Variants in FBXL17 observed in about 807,000 individuals in gnomAD.
FBXL17 encodes F-box and leucine rich repeat protein 17, also known as F-box/LRR-repeat protein 17.
FBXL17 carries 22 observed loss-of-function variants against 66.2 expected under a neutral mutation model. The observed-to-expected ratio is 0.33, with a 90% CI of 0.24 to 0.47. The LOEUF is 0.47. Ranked by LOEUF, FBXL17 falls within the 20% of genes least tolerant of loss-of-function variation. The pLI is 1.00. For synonymous variants in FBXL17, 474 were observed against 400.5 expected (o/e 1.18, Z -2.19); for missense variants, 878 against 948.2 (o/e 0.93, Z 0.97).
intron 7 of FBXL17, among the ~76,000 whole-genome samples, chr5:107,898,645 G>A (rs920112702): frequency 4.6e-5 from 7 of 151,960 alleles, no homozygotes; most frequent in African/African-American, 7.3e-5. Flanking sequence ...AACAGGCCCC[G>A]GTGTGTGATG....
At chr5:108,041,187 T>C (rs541218074) in intron 6 of FBXL17, among the ~76,000 whole-genome samples, 1 of 152,290 alleles carries the variant, frequency 6.6e-6, no homozygotes, top group African/African-American at 2.4e-5. Flanking sequence ...AAAATACATA[T>C]TTGTAAAATG....
intron 6 of FBXL17, among the ~76,000 whole-genome samples, chr5:108,133,857 G>A (rs1047533448): frequency 2.0e-5 from 3 of 151,982 alleles, no homozygotes; most frequent in African/African-American, 7.3e-5. Context: ...AAATGAGTTG[G>A]CACACGTAAA....
At chr5:108,199,829 A>G (rs772506872) in intron 5 of FBXL17, among the ~76,000 whole-genome samples, 3 of 152,192 alleles carry the variant, frequency 2.0e-5, no homozygotes, top group Non-Finnish European at 1.5e-5. Flanking sequence ...TACTATAAAT[A>G]TGAAATTACA....
At chr5:108,141,644 G>A (rs1751354740) in intron 6 of FBXL17, among the ~76,000 whole-genome samples, 1 of 152,198 alleles carries the variant, frequency 6.6e-6, no homozygotes. Context: ...TTAATCTGAA[G>A]GCAATGCGGA....
In FBXL17 at chr5:108,318,328, C is replaced by T. The variant is rs570748631; in HGVS notation, c.1506+30071G>A. Reference sequence around the variant, plus strand: ...TCAGCAAAACAATCAGTAAGATACACAGATAAGTATTTACTGACCTCCTAT... The same window carrying T: ...TCAGCAAAACAATCAGTAAGATACATAGATAAGTATTTACTGACCTCCTAT... On this transcript the variant is annotated intron_variant, in intron 4 of 8. Coordinates refer to ENST00000542267, the MANE Select transcript of FBXL17 (RefSeq NM_001163315.3). Among the ~76,000 whole-genome samples, 35 of 151,818 alleles carry T rather than the reference C, an allele frequency of 2.3e-4. No individual in the cohort carries two copies. In the South Asian group the frequency reaches 7.3e-3, roughly 32 times the overall value.
chr5:108,074,597 G>C (rs907333690), intron 6 of FBXL17, among the ~76,000 whole-genome samples: 2 of 151,972 alleles, frequency 1.3e-5, no homozygotes, highest in East Asian at 3.9e-4. Flanking sequence ...TACAGAGGAC[G>C]TCTAATGACT....
chr5:108,294,089 A>T (rs554562232), intron 4 of FBXL17, among the ~76,000 whole-genome samples: 2 of 149,494 alleles, frequency 1.3e-5, no homozygotes, highest in South Asian at 4.2e-4. Context: ...TATTTCAATC[A>T]TTAAGATAAA....
At chr5:108,275,403 T>A (rs1757443878) in intron 4 of FBXL17, among the ~76,000 whole-genome samples, 2 of 152,196 alleles carry the variant, frequency 1.3e-5, no homozygotes, top group South Asian at 4.1e-4. Context: ...AATTGTCACC[T>A]TCTAAGTGGC....
chr5:108,234,233 A>G (rs1755495433), intron 4 of FBXL17, among the ~76,000 whole-genome samples: 1 of 152,190 alleles, frequency 6.6e-6, no homozygotes. Context: ...GCTCACACTC[A>G]GCCGAGGTTT....
intron 4 of FBXL17, among the ~76,000 whole-genome samples, chr5:108,267,566 A>C (rs1398373570): frequency 6.6e-6 from 1 of 152,088 alleles, no homozygotes; most frequent in African/African-American, 2.4e-5. Context: ...CTATAAAAAC[A>C]AAGCAAATTA....
intron 7 of FBXL17, among the ~76,000 whole-genome samples, chr5:107,957,296 A>G (rs1489133029): frequency 6.6e-6 from 1 of 152,156 alleles, no homozygotes; most frequent in African/African-American, 2.4e-5. Context: ...ACTGTTCACT[A>G]TACTCAGCCA....
In FBXL17 at chr5:108,053,796, A is replaced by G. The variant is rs533251128; in HGVS notation, c.1746-32795T>C. 1.4e-3 allele frequency among the ~76,000 whole-genome samples: 214 copies of G among 152,314 alleles called. 1 individual carries two copies. The highest frequency in any genetic ancestry group is 5.0e-3 in the African/African-American group (209 of 41,560). On this transcript the variant is annotated intron_variant, in intron 6 of 8. Coordinates refer to ENST00000542267, the MANE Select transcript of FBXL17 (RefSeq NM_001163315.3). ...AAAGGAATATACATCATTCTACTATAAAGGTACATGCACATGTATGTTTAC... is the reference window on the plus strand; with the variant it reads ...AAAGGAATATACATCATTCTACTATGAAGGTACATGCACATGTATGTTTAC...
Position 108,010,550 on chromosome 5 carries a change from A to T in FBXL17, c.1822+10375T>A, listed in dbSNP as rs528259740. Among the ~76,000 whole-genome samples, 1,193 of 152,334 alleles carry T rather than the reference A, an allele frequency of 7.8e-3. 12 individuals carry two copies. Among genetic ancestry groups the T allele is most frequent in the African/African-American group, 0.026 (1,085 of 41,578 alleles). Reference sequence around the variant, plus strand: ...TTTAAGCTGGAGGAATAAAAGACAGAAAAACACAGTGATGTAAGATTCGGG... The same window carrying T: ...TTTAAGCTGGAGGAATAAAAGACAGTAAAACACAGTGATGTAAGATTCGGG... On this transcript the variant is annotated intron_variant, in intron 7 of 8. Transcript: ENST00000542267.
chr5:108,367,135 G>A (rs1448418292), intron 2 of FBXL17, among the ~76,000 whole-genome samples: 8 of 152,068 alleles, frequency 5.3e-5, no homozygotes, highest in South Asian at 2.1e-4. Context: ...TTAGTACTTC[G>A]ATAAAATGCT....
intron 4 of FBXL17, among the ~76,000 whole-genome samples, chr5:108,324,815 T>C (rs1356838754): frequency 6.6e-6 from 1 of 151,894 alleles, no homozygotes; most frequent in Non-Finnish European, 1.5e-5. Flanking sequence ...AGGAGGAAAA[T>C]TCTAACACAT....
intron 7 of FBXL17, among the ~76,000 whole-genome samples, chr5:107,919,574 T>C (rs1173271650): frequency 6.6e-6 from 1 of 152,166 alleles, no homozygotes; most frequent in African/African-American, 2.4e-5. Flanking sequence ...CTCTCGCTCT[T>C]GCTCACTCCA....
Position 108,381,872 on chromosome 5 carries a change from C to G in FBXL17, c.-181G>C. On this transcript the variant is annotated 5_prime_UTR_variant, in exon 1 of 9. Transcript: ENST00000542267. Reference sequence around the variant, plus strand: ...GGGGGTGGGCGTCAGCTGCGGGCCGCCGGAGTGCCCGACGGGGGCTACATG... The same window carrying G: ...GGGGGTGGGCGTCAGCTGCGGGCCGGCGGAGTGCCCGACGGGGGCTACATG... The G allele has an allele frequency of 7.7e-7, 1 of 1,292,874 alleles. No individual in the cohort carries two copies. Among genetic ancestry groups the G allele is most frequent in the Non-Finnish European group, 9.8e-7 (1 of 1,020,874 alleles). The allele number at this position is 1,292,874 out of a possible 1,614,324, so 80.1% of individuals were successfully genotyped here.
intron 4 of FBXL17, among the ~76,000 whole-genome samples, chr5:108,317,531 A>G (rs1195079757): frequency 6.6e-6 from 1 of 151,240 alleles, no homozygotes; most frequent in Non-Finnish European, 1.5e-5. Context: ...TTTTAAAAAT[A>G]GTATTATTAA....
At chr5:108,159,570 A>C (rs966495998) in intron 6 of FBXL17, among the ~76,000 whole-genome samples, 1 of 152,136 alleles carries the variant, frequency 6.6e-6, no homozygotes, top group Non-Finnish European at 1.5e-5. Context: ...GCCATCCATG[A>C]ACGAGGAAGT....
Sources: allele counts gnomAD v4.1 joint callset (sites outside exome capture counted in the v4.1 genomes callset), GRCh38; gene constraint gnomAD v4.1.1; transcripts MANE v1.5; gene names NCBI Gene and HGNC (gene_info 2026-07-23, HGNC 2026-07-21).